ZNF679: variants seen among roughly 807,000 people sequenced by gnomAD.
ZNF679 encodes zinc finger protein 679.
ZNF679 carries 10 observed loss-of-function variants against 13.4 expected under a neutral mutation model. The observed-to-expected ratio is 0.75, with a 90% CI of 0.46 to 1.27. The LOEUF (loss-of-function observed/expected upper bound fraction) is 1.27, where lower values mean the gene tolerates loss of function less well. Ranked by LOEUF, ZNF679 falls within the 50% of genes most tolerant of loss-of-function variation. The probability of loss-of-function intolerance (pLI) is 0.00; values close to 1 mark genes in which losing one functional copy is unlikely to be tolerated. For synonymous variants in ZNF679, 179 were observed against 162.5 expected (o/e 1.10, Z -0.77); for missense variants, 525 against 477.8 (o/e 1.10, Z -0.92).
At chr7:64,241,713 A>T (rs1414364547) in intron 1 of ZNF679, among the ~76,000 whole-genome samples, 1 of 152,214 alleles carries the variant, frequency 6.6e-6, no homozygotes. Context: ...CCAACTAAGG[A>T]TAGGACCCAG....
At chr7:64,256,503 C>T (rs569952884) in intron 2 of ZNF679, among the ~76,000 whole-genome samples, 161 of 152,232 alleles carry the variant, frequency 1.1e-3, no homozygotes, top group African/African-American at 3.8e-3. Context: ...CTGTTTTTCT[C>T]AATGGTTAAA....
At chr7:64,238,171 C>G (rs151211365) in intron 1 of ZNF679, among the ~76,000 whole-genome samples, 292 of 152,200 alleles carry the variant, frequency 1.9e-3, no homozygotes, top group African/African-American at 5.7e-3. Context: ...TGCTCCACCT[C>G]CAGTCTGAGC....
At chr7:64,265,141 T>C (rs1227498165) in intron 4 of ZNF679, among the ~76,000 whole-genome samples, 1 of 152,154 alleles carries the variant, frequency 6.6e-6, no homozygotes, top group Non-Finnish European at 1.5e-5. Context: ...ATGTTTTGTA[T>C]ACATTGTAAT....
In ZNF679 at chr7:64,228,534, A is replaced by G. The variant is rs1787590989; in HGVS notation, c.-209A>G. ...GTTGGCTGGGCCCAAGCAAATTAGT[A>G]AAATAAATTAGGTGCTGTGTGAAAG... On this transcript the variant is annotated 5_prime_UTR_variant, in exon 1 of 5. Coordinates refer to ENST00000421025, the MANE Select transcript of ZNF679 (RefSeq NM_153363.3). 1 of 152,238 alleles carries G rather than the reference A, an allele frequency of 6.6e-6. No homozygotes were observed. The highest frequency in any genetic ancestry group is 1.5e-5 in the Non-Finnish European group (1 of 68,058). The allele number at this position is 152,238 out of a possible 1,614,324, so 9.4% of individuals were successfully genotyped here. A position where few individuals can be genotyped will look rare whatever the true frequency, so the allele number is the denominator to read the frequency against.
intron 3 of ZNF679, 121 bp from the exon 4 acceptor site, chr7:64,260,713 T>A (rs1178192345): frequency 8.9e-7 from 1 of 1,120,312 alleles, no homozygotes; most frequent in Non-Finnish European, 1.2e-6. Flanking sequence ...AAAAGTTCTG[T>A]TATGAATCAA....
chr7:64,242,858 C>T (rs1022109717), intron 1 of ZNF679, among the ~76,000 whole-genome samples: 3 of 151,946 alleles, frequency 2.0e-5, no homozygotes, highest in South Asian at 2.1e-4. Context: ...TAGCAAGGTC[C>T]GGGTATAAGA....
intron 1 of ZNF679, among the ~76,000 whole-genome samples, chr7:64,247,607 G>A (rs562714009): frequency 6.6e-6 from 1 of 152,046 alleles, no homozygotes; most frequent in Admixed American, 6.6e-5. Flanking sequence ...AGGCTATATT[G>A]CGGTGGCACG....
chr7:64,263,818 A>T (rs935583309), intron 4 of ZNF679, among the ~76,000 whole-genome samples: 9 of 152,210 alleles, frequency 5.9e-5, no homozygotes, highest in Non-Finnish European at 1.3e-4. Flanking sequence ...GAACCAAAGA[A>T]GTCTTTTTCT....
Position 64,231,492 on chromosome 7 carries a change from T to C in ZNF679, c.-91+2840T>C, listed in dbSNP as rs535995941. On this transcript the variant is annotated intron_variant, in intron 1 of 4. Transcript: ENST00000421025. ...CATGTAGGTGCTAGGCAAAGCATTA[T>C]GTCTCAATGTCCCCTTTAATCTTGG... Among the ~76,000 whole-genome samples, 25 of 152,334 alleles carry C rather than the reference T, an allele frequency of 1.6e-4. No homozygotes were observed. In the South Asian group the frequency reaches 5.2e-3, roughly 32 times the overall value.
intron 2 of ZNF679, among the ~76,000 whole-genome samples, chr7:64,256,070 C>T (rs1788001472): frequency 6.6e-6 from 1 of 152,156 alleles, no homozygotes; most frequent in Admixed American, 6.6e-5. Context: ...TCTTCATCCT[C>T]TGACCCTCCA....
At chr7:64,228,856 G>A (rs1249059623) in intron 1 of ZNF679, among the ~76,000 whole-genome samples, 1 of 152,172 alleles carries the variant, frequency 6.6e-6, no homozygotes, top group African/African-American at 2.4e-5. Context: ...CATTGCCTCT[G>A]GGCATGAGAT....
intron 2 of ZNF679, among the ~76,000 whole-genome samples, chr7:64,249,493 T>A (rs1245805071): frequency 6.6e-6 from 1 of 152,188 alleles, no homozygotes; most frequent in Non-Finnish European, 1.5e-5. Flanking sequence ...GTGGGATTCA[T>A]AAGTGGAAAG....
In ZNF679 at chr7:64,228,558, A is replaced by C. The variant is rs1377637224; in HGVS notation, c.-185A>C. On this transcript the variant is annotated 5_prime_UTR_variant, in exon 1 of 5. Transcript: ENST00000421025. ...TAAAATAAATTAGGTGCTGTGTGAAAGTATACGCCACAATCACACCTGCGG... is the reference window on the plus strand; with the variant it reads ...TAAAATAAATTAGGTGCTGTGTGAACGTATACGCCACAATCACACCTGCGG... 2.0e-5 allele frequency: 3 copies of C among 152,240 alleles called. No homozygotes were observed. The highest frequency in any genetic ancestry group is 2.9e-5 in the Non-Finnish European group (2 of 68,046). 9.4% of individuals were successfully genotyped at this position (152,240 alleles called of 1,614,324 possible).
intron 2 of ZNF679, among the ~76,000 whole-genome samples, chr7:64,258,928 G>C (rs1584236644): frequency 6.6e-6 from 1 of 151,514 alleles, no homozygotes; most frequent in South Asian, 2.1e-4. Context: ...TGTTTGTTTT[G>C]AGACCGAGTT....
intron 2 of ZNF679, among the ~76,000 whole-genome samples, chr7:64,253,568 T>G (rs562851174): frequency 3.0e-4 from 46 of 152,344 alleles, no homozygotes; most frequent in Non-Finnish European, 5.6e-4. Context: ...TTTGGGTCAG[T>G]TTCTAGACTT....
At chr7:64,239,642 G>A (rs1236032173) in intron 1 of ZNF679, among the ~76,000 whole-genome samples, 1 of 152,072 alleles carries the variant, frequency 6.6e-6, no homozygotes, top group Non-Finnish European at 1.5e-5. Flanking sequence ...CTTCTTTCCT[G>A]CCTGGACCCT....
chr7:64,239,511 C>T (rs2116515640), intron 1 of ZNF679, among the ~76,000 whole-genome samples: 1 of 152,298 alleles, frequency 6.6e-6, no homozygotes, highest in Non-Finnish European at 1.5e-5. Context: ...GGTCTCAACA[C>T]ACAGATATCT....
At chr7:64,233,369 G>A (rs1457280206) in intron 1 of ZNF679, among the ~76,000 whole-genome samples, 1 of 152,016 alleles carries the variant, frequency 6.6e-6, no homozygotes, top group Non-Finnish European at 1.5e-5. Flanking sequence ...GCGTGCTCTT[G>A]TAGTCCTAGC....
chr7:64,255,954 T>G (rs932608129), intron 2 of ZNF679, among the ~76,000 whole-genome samples: 12 of 152,126 alleles, frequency 7.9e-5, no homozygotes, highest in Admixed American at 5.9e-4. Context: ...ACAGTACATA[T>G]GCAAGTTTGT....
Sources: gnomAD v4.1 joint callset for allele counts (sites outside exome capture counted in the v4.1 genomes callset) on GRCh38, gnomAD v4.1.1 for gene constraint, MANE v1.5 for transcripts, NCBI Gene and HGNC (gene_info 2026-07-23, HGNC 2026-07-21) for gene names.